The following TM7SF3 variants were observed in gnomAD, a reference collection of about 807,000 sequenced individuals.
TM7SF3 encodes transmembrane 7 superfamily member 3.
A neutral mutation model predicts 65.5 loss-of-function variants in TM7SF3; 60 were observed. The ratio of observed to expected loss-of-function variants is 0.92; its 90% CI spans 0.74 to 1.14. TM7SF3 has a LOEUF of 1.14. TM7SF3 is among the 50% of genes most tolerant of loss of function. The probability of loss-of-function intolerance (pLI) is 0.00; values close to 1 mark genes in which losing one functional copy is unlikely to be tolerated. For missense variants in TM7SF3, 623 were observed against 684.8 expected, an observed-to-expected ratio of 0.91 and a Z score of 1.01; for synonymous variants, 264 against 259.6, an observed-to-expected ratio of 1.02 and a Z score of -0.16.
At chr12:26,989,529 T>C (rs186498330) in intron 6 of TM7SF3, among the ~76,000 whole-genome samples, 2 of 152,030 alleles carry the variant, frequency 1.3e-5, no homozygotes, top group Admixed American at 6.5e-5. Context: ...CAATTGCATA[T>C]AGAGAGAGAA....
At chr12:26,982,927 C>T (rs932158351) in intron 6 of TM7SF3, 68 bp from the exon 7 acceptor site, 35 of 1,140,164 alleles carry the variant, frequency 3.1e-5, no homozygotes, top group East Asian at 1.1e-4. Flanking sequence ...ATTTATAGAA[C>T]GAACCTTCAT....
chr12:27,008,299 G>A (rs939357542), intron 1 of TM7SF3, among the ~76,000 whole-genome samples: 3 of 152,126 alleles, frequency 2.0e-5, no homozygotes, highest in African/African-American at 7.2e-5. Context: ...TGGGTGTTAA[G>A]AAACCTTTGC....
intron 4 of TM7SF3, among the ~76,000 whole-genome samples, chr12:26,995,958 G>A (rs1198998724): frequency 6.6e-6 from 1 of 152,046 alleles, no homozygotes; most frequent in African/African-American, 2.4e-5. Context: ...TTACATAACT[G>A]GATTCTGATA....
chr12:26,999,793 A>C (rs1940758072), intron 2 of TM7SF3, 117 bp from the exon 3 acceptor site: 2 of 1,067,916 alleles, frequency 1.9e-6, no homozygotes, highest in African/African-American at 1.6e-5. Context: ...GAAAAAAAAA[A>C]CCTTCCTTAA....
Position 27,014,378 on chromosome 12 carries a change from G to A in TM7SF3, c.-210C>T. On this transcript the variant is annotated 5_prime_UTR_variant, in exon 1 of 12. Transcript: ENST00000343028. The stretch of plus-strand genomic sequence containing the variant: ...GCCCCAGCGAGAGGTTTCCTCTTCC[G>A]GCACCTGACCCCCAACGCGCGTTCC... The A allele has an allele frequency of 3.0e-6, 1 of 337,544 alleles. No homozygotes were observed. The highest frequency in any genetic ancestry group is 5.3e-6 in the Non-Finnish European group (1 of 188,880). 20.9% of individuals were successfully genotyped at this position (337,544 alleles called of 1,614,324 possible).
chr12:26,989,366 G>A (rs1940241814), intron 6 of TM7SF3, among the ~76,000 whole-genome samples: 1 of 152,172 alleles, frequency 6.6e-6, no homozygotes, highest in Non-Finnish European at 1.5e-5. Flanking sequence ...GAACCTGGGA[G>A]GCAGAGGTTG....
At chr12:26,991,071 C>T (rs555637305) in intron 5 of TM7SF3, among the ~76,000 whole-genome samples, 1 of 151,956 alleles carries the variant, frequency 6.6e-6, no homozygotes, top group African/African-American at 2.4e-5. Flanking sequence ...AGACAGTACC[C>T]ACTTATTTTT....
rs2136368820 is a variant in TM7SF3 at position 26,972,334 on chromosome 12, T to C, written c.*1631A>G. The C allele has an allele frequency of 6.6e-6, 1 of 152,280 alleles. No individual in the cohort carries two copies. Among genetic ancestry groups the C allele is most frequent in the South Asian group, 2.1e-4 (1 of 4,820 alleles). The allele number at this position is 152,280 out of a possible 1,614,324, so 9.4% of individuals were successfully genotyped here. A position where few individuals can be genotyped will look rare whatever the true frequency, so the allele number is the denominator to read the frequency against. The stretch of plus-strand genomic sequence containing the variant: ...GTACAGAAATTATTAAAAACTATAT[T>C]TTACACTAATGCTAACAGCTAATTG... On this transcript the variant is annotated 3_prime_UTR_variant, in exon 12 of 12. Transcript: ENST00000343028.
intron 9 of TM7SF3, chr12:26,978,124 A>G (rs1464995732): frequency 2.3e-6 from 1 of 438,720 alleles, no homozygotes; most frequent in South Asian, 1.6e-5. Flanking sequence ...GTTTGCACCC[A>G]CTAGCATTGA....
chr12:26,992,972 T>A (rs1055410245), intron 5 of TM7SF3, among the ~76,000 whole-genome samples: 1 of 145,994 alleles, frequency 6.8e-6, no homozygotes, highest in Non-Finnish European at 1.5e-5. Flanking sequence ...TGCAGTGGCG[T>A]GATCTCAGCT....
At chr12:26,983,824 AATG>A (rs1183913688) in intron 6 of TM7SF3, among the ~76,000 whole-genome samples, 3 of 152,250 alleles carry the variant, frequency 2.0e-5, no homozygotes, top group Non-Finnish European at 4.4e-5. Flanking sequence ...CATTACAACC[AATG>A]ATGAAGCACG....
At chr12:27,004,932 A>C (rs765811912) in intron 1 of TM7SF3, among the ~76,000 whole-genome samples, 1 of 152,222 alleles carries the variant, frequency 6.6e-6, no homozygotes, top group African/African-American at 2.4e-5. Context: ...CAGAGGTTAA[A>C]ATATTAAGGA....
At chr12:26,997,959 G>A (rs929593575) in intron 3 of TM7SF3, among the ~76,000 whole-genome samples, 18 of 151,216 alleles carry the variant, frequency 1.2e-4, no homozygotes, top group Non-Finnish European at 1.9e-4. Context: ...CTGAGTACCT[G>A]GGATTGTAGG....
chr12:26,974,127 G>T lies in TM7SF3; in HGVS notation c.1551C>A (p.Tyr517Ter). 6.2e-7 allele frequency: 1 copy of T among 1,614,166 alleles called. No individual in the cohort carries two copies. Among genetic ancestry groups the T allele is most frequent in the Non-Finnish European group, 8.5e-7 (1 of 1,180,030 alleles). ...GCTCTCTCTCTTGCTTCCATAACTT[G>T]TATGGGTGGGGAGGGAAGAACGGTC... ...RGRPFFPPHP[Y>*]KLWKQERERR... Residue 517 changes from tyrosine to a stop codon, truncating the protein, a stop_gained, in exon 12 of 12, where the codon TAC becomes TAA. Coordinates refer to ENST00000343028, the MANE Select transcript of TM7SF3 (RefSeq NM_016551.3). LOFTEE classifies it high-confidence loss of function.
In TM7SF3 at chr12:26,999,602, T is replaced by A; in HGVS notation, c.321A>T (p.Thr107=). The change falls in exon 3 of 12, where the codon ACA becomes ACT. Residue 107 remains threonine, a synonymous_variant. Coordinates refer to ENST00000343028, the MANE Select transcript of TM7SF3 (RefSeq NM_016551.3). ...CTGAAGTCCCCAAGTACCAAGTGCA[T>A]GTACTCTGCTCTGGTCTAAGGATGA... ...LVFILRPEQS[T]CTWYLGTSGI... is the part of the protein sequence containing the mutation. 6.2e-7 allele frequency: 1 copy of A among 1,614,052 alleles called. No homozygotes were observed. Among genetic ancestry groups the A allele is most frequent in the Non-Finnish European group, 8.5e-7 (1 of 1,179,960 alleles).
intron 3 of TM7SF3, among the ~76,000 whole-genome samples, chr12:26,997,311 A>G (rs1940637952): frequency 6.6e-6 from 1 of 152,128 alleles, no homozygotes; most frequent in Admixed American, 6.5e-5. Context: ...CTATTGGTTG[A>G]CTACTTCTGG....
intron 8 of TM7SF3, chr12:26,980,295 T>A: frequency 1.9e-6 from 1 of 530,906 alleles, no homozygotes; most frequent in Non-Finnish European, 3.3e-6. Flanking sequence ...ACATCTCATA[T>A]CTTCAACATA....
intron 5 of TM7SF3, among the ~76,000 whole-genome samples, chr12:26,990,999 A>G (rs1255447846): frequency 2.6e-5 from 4 of 152,198 alleles, no homozygotes; most frequent in Non-Finnish European, 5.9e-5. Flanking sequence ...CCCAATGCCT[A>G]ACACAGAGGA....
At chr12:26,987,318 C>T (rs1390501822) in intron 6 of TM7SF3, among the ~76,000 whole-genome samples, 1 of 152,112 alleles carries the variant, frequency 6.6e-6, no homozygotes, top group Admixed American at 6.5e-5. Context: ...ATGTATCCTC[C>T]CAACCTTCTC....
Sources: allele counts gnomAD v4.1 joint callset (sites outside exome capture counted in the v4.1 genomes callset), GRCh38; gene constraint gnomAD v4.1.1; transcripts MANE v1.5; gene names NCBI Gene and HGNC (gene_info 2026-07-23, HGNC 2026-07-21).